Variants in NAV2 observed in about 807,000 individuals in gnomAD.
The protein encoded by NAV2 is neuron navigator 2.
In NAV2, 54 loss-of-function variants were observed where a neutral mutation model predicts 223.2. That is an observed-to-expected ratio of 0.24 (90% confidence interval 0.19 to 0.30). The LOEUF (loss-of-function observed/expected upper bound fraction) is 0.30. Among genes scored for constraint, NAV2 ranks in the 10% least tolerant of loss-of-function variants. The probability of loss-of-function intolerance (pLI) is 1.00; values close to 1 mark genes in which losing one functional copy is unlikely to be tolerated. For synonymous variants in NAV2, 1,279 were observed against 1,239.3 expected, an observed-to-expected ratio of 1.03 and a Z score of -0.67; for missense variants, 2,806 against 3,147.5, an observed-to-expected ratio of 0.89 and a Z score of 2.60.
chr11:19,882,267 T>C (rs976204420), intron 5 of NAV2, among the ~76,000 whole-genome samples: 44 of 152,162 alleles, frequency 2.9e-4, no homozygotes, highest in Admixed American at 2.9e-3. Context: ...AAAATGGAGA[T>C]GGACTAATTC....
intron 1 of NAV2, among the ~76,000 whole-genome samples, chr11:19,636,443 T>A (rs1382665077): frequency 6.6e-6 from 1 of 152,022 alleles, no homozygotes; most frequent in African/African-American, 2.4e-5. Flanking sequence ...AGGATTCAAG[T>A]CTGTGCATGC....
At chr11:20,106,472 A>G (rs1227518960) in intron 35 of NAV2, among the ~76,000 whole-genome samples, 1 of 142,758 alleles carries the variant, frequency 7.0e-6, no homozygotes, top group African/African-American at 2.6e-5. Context: ...AGGCAGGAGA[A>G]TCGCTTGAAC....
intron 11 of NAV2, among the ~76,000 whole-genome samples, chr11:20,033,858 T>C (rs1412520289): frequency 6.6e-6 from 1 of 152,208 alleles, no homozygotes; most frequent in Non-Finnish European, 1.5e-5. Flanking sequence ...GCTTTCAAAA[T>C]CTCAACCACT....
At chr11:19,378,420 A>G (rs1318324574) in intron 1 of NAV2, among the ~76,000 whole-genome samples, 1 of 151,850 alleles carries the variant, frequency 6.6e-6, no homozygotes, top group Non-Finnish European at 1.5e-5. Context: ...CTGATGAGAG[A>G]CACCTTATCT....
intron 22 of NAV2, among the ~76,000 whole-genome samples, chr11:20,069,309 A>G (rs1591967542): frequency 6.6e-6 from 1 of 151,994 alleles, no homozygotes; most frequent in East Asian, 1.9e-4. Context: ...TATGGCTTGG[A>G]TGTGGAGGAG....
intron 1 of NAV2, among the ~76,000 whole-genome samples, chr11:19,805,223 G>A (rs1037801039): frequency 1.3e-5 from 2 of 152,164 alleles, no homozygotes; most frequent in Non-Finnish European, 2.9e-5. Flanking sequence ...ATGGGTGATG[G>A]CTGATTCAGC....
intron 1 of NAV2, among the ~76,000 whole-genome samples, chr11:19,641,051 C>T (rs1410801073): frequency 6.6e-6 from 1 of 152,176 alleles, no homozygotes; most frequent in Non-Finnish European, 1.5e-5. Context: ...GAGTTCAGCA[C>T]CACCCAAAAG....
intron 1 of NAV2, among the ~76,000 whole-genome samples, chr11:19,795,871 G>A (rs2057846619): frequency 6.6e-6 from 1 of 152,156 alleles, no homozygotes; most frequent in Non-Finnish European, 1.5e-5. Flanking sequence ...GCCCTCCTTG[G>A]CCATAGGCAT....
chr11:19,878,851 G>A (rs979278145), intron 4 of NAV2, among the ~76,000 whole-genome samples: 2 of 152,164 alleles, frequency 1.3e-5, no homozygotes, highest in African/African-American at 4.8e-5. Flanking sequence ...TTCCCAGCCC[G>A]GGGCTAACCT....
intron 1 of NAV2, among the ~76,000 whole-genome samples, chr11:19,769,236 C>T (rs1230921731): frequency 2.0e-5 from 3 of 152,208 alleles, no homozygotes; most frequent in Non-Finnish European, 2.9e-5. Flanking sequence ...ATTGAGTTTG[C>T]TCTGGAGGAC....
At chr11:19,793,942 A>G (rs1395790815) in intron 1 of NAV2, among the ~76,000 whole-genome samples, 2 of 152,038 alleles carry the variant, frequency 1.3e-5, no homozygotes, top group Admixed American at 6.6e-5. Context: ...GGGACCCCCA[A>G]CCACAGTGTC....
intron 10 of NAV2, among the ~76,000 whole-genome samples, chr11:19,966,956 GTGC>G (rs774115662): frequency 2.6e-3 from 402 of 152,242 alleles, no homozygotes; most frequent in African/African-American, 8.8e-3. Flanking sequence ...AGTAGGAGCA[GTGC>G]TGCTGCTGCT....
At chr11:19,900,753 C>G (rs1047913106) in intron 6 of NAV2, among the ~76,000 whole-genome samples, 1 of 152,170 alleles carries the variant, frequency 6.6e-6, no homozygotes, top group African/African-American at 2.4e-5. Context: ...TTTTTCCCAT[C>G]CAGATGTGTC....
At chr11:19,827,235 A>G (rs2059685120) in intron 1 of NAV2, among the ~76,000 whole-genome samples, 1 of 152,086 alleles carries the variant, frequency 6.6e-6, no homozygotes, top group Non-Finnish European at 1.5e-5. Flanking sequence ...TTTGGTCCTT[A>G]TAACATAGAC....
intron 7 of NAV2, among the ~76,000 whole-genome samples, chr11:19,937,744 T>C (rs1165567370): frequency 1.3e-5 from 2 of 152,248 alleles, no homozygotes; most frequent in Non-Finnish European, 2.9e-5. Flanking sequence ...TTCTTATTTA[T>C]CCAGTCAACA....
intron 3 of NAV2, among the ~76,000 whole-genome samples, chr11:19,863,104 A>T (rs763186715): frequency 6.6e-6 from 1 of 152,110 alleles, no homozygotes. Flanking sequence ...CATCCCCAAC[A>T]TGAAACAGCC....
intron 1 of NAV2, among the ~76,000 whole-genome samples, chr11:19,799,763 G>A (rs1429171940): frequency 6.6e-6 from 1 of 152,064 alleles, no homozygotes; most frequent in Non-Finnish European, 1.5e-5. Flanking sequence ...CAAGTGTGCG[G>A]GTGCTTTTCG....
At chr11:20,040,297 A>C (rs1234931856) in intron 12 of NAV2, among the ~76,000 whole-genome samples, 3 of 152,212 alleles carry the variant, frequency 2.0e-5, no homozygotes, top group African/African-American at 7.2e-5. Flanking sequence ...GGCAGGATAA[A>C]TGCTAAAGAT....
chr11:19,507,199 T>G (rs2043147644), intron 1 of NAV2: 1 of 152,158 alleles, frequency 6.6e-6, no homozygotes, highest in Non-Finnish European at 1.5e-5. Context: ...ATATAGCAGT[T>G]AAGTGCAAAT....
Sources: gnomAD v4.1 joint callset for allele counts (sites outside exome capture counted in the v4.1 genomes callset) on GRCh38, gnomAD v4.1.1 for gene constraint, MANE v1.5 for transcripts, NCBI Gene and HGNC (gene_info 2026-07-23, HGNC 2026-07-21) for gene names.